The following CEP57 variants were observed in gnomAD, a reference collection of about 807,000 sequenced individuals.
The protein encoded by CEP57 is centrosomal protein of 57 kDa.
In CEP57, 40 loss-of-function variants were observed where a neutral mutation model predicts 68.0. The observed-to-expected ratio is 0.59, with a 90% CI of 0.46 to 0.77. The LOEUF is 0.77. Ranked by LOEUF, CEP57 falls within the 30% of genes least tolerant of loss-of-function variation. The probability of loss-of-function intolerance (pLI) is 0.00; values close to 1 mark genes in which losing one functional copy is unlikely to be tolerated. For missense variants in CEP57, 606 were observed against 580.7 expected (o/e 1.04, Z -0.45); for synonymous variants, 219 against 198.7 (o/e 1.10, Z -0.86).
intron 4 of CEP57, among the ~76,000 whole-genome samples, chr11:95,816,767 C>T (rs773753241): frequency 6.6e-6 from 1 of 152,066 alleles, no homozygotes; most frequent in Non-Finnish European, 1.5e-5. Context: ...TGAAATTATC[C>T]TAGTATAATG....
At chr11:95,791,411 G>GT (rs1478182979) in intron 1 of CEP57, among the ~76,000 whole-genome samples, 1 of 152,118 alleles carries the variant, frequency 6.6e-6, no homozygotes, top group Non-Finnish European at 1.5e-5. Flanking sequence ...GTATTCACTG[G>GT]TATTTCTCAA....
At chr11:95,821,717 G>T (rs968968321) in intron 6 of CEP57, among the ~76,000 whole-genome samples, 154 bp from the exon 7 acceptor site, 1 of 152,144 alleles carries the variant, frequency 6.6e-6, no homozygotes, top group African/African-American at 2.4e-5. Flanking sequence ...GACAAACGTT[G>T]ATAGATTGGT....
intron 2 of CEP57, among the ~76,000 whole-genome samples, chr11:95,803,186 G>A (rs1174901799): frequency 1.8e-4 from 28 of 152,144 alleles, no homozygotes; most frequent in Admixed American, 1.8e-3. Flanking sequence ...TTCTAGTGAA[G>A]ATGATTAGGG....
At position 95,817,697 on chromosome 11, in the gene CEP57, G is replaced by A. The variant is rs1186138654; in HGVS notation, c.505-90G>A. Reference sequence around the variant, plus strand: ...TTTTCCTAGAAGTAGTTATGTGAAGGGCCAAATAACAGCATAGAAAAACAC... The same window carrying A: ...TTTTCCTAGAAGTAGTTATGTGAAGAGCCAAATAACAGCATAGAAAAACAC... On this transcript the variant is annotated intron_variant, in intron 4 of 10. Coordinates refer to ENST00000325542, the MANE Select transcript of CEP57 (RefSeq NM_014679.5). The A allele has an allele frequency of 1.6e-5, 14 of 855,040 alleles. No homozygotes were observed. The East Asian group carries it at 3.2e-4, about 19-fold the overall frequency. 53.0% of individuals were successfully genotyped at this position (855,040 alleles called of 1,614,324 possible).
At chr11:95,825,074 C>G (rs1213650569) in intron 8 of CEP57, among the ~76,000 whole-genome samples, 1 of 152,118 alleles carries the variant, frequency 6.6e-6, no homozygotes, top group Non-Finnish European at 1.5e-5. Context: ...TCTACTTGTC[C>G]CTAAACACAG....
intron 8 of CEP57, 101 bp downstream of exon 8, chr11:95,822,677 G>GCCTTTACCAGTGTGTGGATCA: frequency 3.4e-6 from 3 of 887,474 alleles, no homozygotes; most frequent in Non-Finnish European, 3.7e-6. Flanking sequence ...ACATTTTTCT[G>GCCTTTACCAGTGTGTGGATCA]TGCCTTTACC....
chr11:95,825,308 GAT>G (rs1274889234), intron 8 of CEP57, among the ~76,000 whole-genome samples: 1 of 152,152 alleles, frequency 6.6e-6, no homozygotes, highest in African/African-American at 2.4e-5. Context: ...CTCTCCAGGT[GAT>G]ATGCATGATT....
chr11:95,823,804 C>T (rs1350961107), intron 8 of CEP57, among the ~76,000 whole-genome samples: 2 of 152,138 alleles, frequency 1.3e-5, no homozygotes, highest in East Asian at 1.9e-4. Flanking sequence ...CAGTTCATCT[C>T]TCCAGTCAAT....
intron 2 of CEP57, among the ~76,000 whole-genome samples, chr11:95,801,673 CAA>C (rs1306871764): frequency 6.6e-6 from 1 of 151,392 alleles, no homozygotes; most frequent in African/African-American, 2.4e-5. Flanking sequence ...AAAAAAATGA[CAA>C]ATTACTAGCA....
chr11:95,801,359 A>G (rs1180148253), intron 2 of CEP57, among the ~76,000 whole-genome samples: 2 of 151,876 alleles, frequency 1.3e-5, no homozygotes, highest in African/African-American at 2.4e-5. Context: ...GGTTAAAGCA[A>G]CTGATAAGGT....
intron 2 of CEP57, among the ~76,000 whole-genome samples, chr11:95,810,687 G>GAAATAAAAGA (rs1752525102): frequency 6.6e-6 from 1 of 152,102 alleles, no homozygotes; most frequent in Non-Finnish European, 1.5e-5. Context: ...ACTGCTCAAT[G>GAAATAAAAGA]AAATAAAAGA....
intron 2 of CEP57, among the ~76,000 whole-genome samples, chr11:95,812,478 C>CAATGCA (rs1309564049): frequency 6.6e-6 from 1 of 151,938 alleles, no homozygotes; most frequent in Non-Finnish European, 1.5e-5. Flanking sequence ...GGCTGGAGTG[C>CAATGCA]AATGGTGCGA....
At chr11:95,828,685 A>C (rs755155872) in intron 9 of CEP57, among the ~76,000 whole-genome samples, 10 of 152,202 alleles carry the variant, frequency 6.6e-5, no homozygotes, top group Non-Finnish European at 1.3e-4. Flanking sequence ...TAAGAATATA[A>C]AGAATTAACC....
At chr11:95,830,080 T>C (rs1458762865) in intron 10 of CEP57, among the ~76,000 whole-genome samples, 1 of 152,192 alleles carries the variant, frequency 6.6e-6, no homozygotes, top group African/African-American at 2.4e-5. Context: ...TGACTGTTGA[T>C]TGGTAGCCAT....
chr11:95,816,424 A>G (rs1862300302), intron 4 of CEP57, among the ~76,000 whole-genome samples: 1 of 152,158 alleles, frequency 6.6e-6, no homozygotes, highest in Admixed American at 6.5e-5. Flanking sequence ...ATCATATATT[A>G]TTATTATGTC....
At chr11:95,791,803 G>A (rs1861092431) in intron 1 of CEP57, among the ~76,000 whole-genome samples, 1 of 152,144 alleles carries the variant, frequency 6.6e-6, no homozygotes. Flanking sequence ...CGGGAATTTT[G>A]GAGTATGTGC....
chr11:95,796,651 A>G (rs1168739963), intron 1 of CEP57, among the ~76,000 whole-genome samples: 1 of 152,202 alleles, frequency 6.6e-6, no homozygotes, highest in African/African-American at 2.4e-5. Context: ...AAAATTCTAC[A>G]CCAACTGGGT....
At chr11:95,812,448 CAG>C (rs1484202996) in intron 2 of CEP57, among the ~76,000 whole-genome samples, 1 of 151,764 alleles carries the variant, frequency 6.6e-6, no homozygotes, top group Non-Finnish European at 1.5e-5. Context: ...TTTTGTGAGA[CAG>C]AATCTCACTG....
intron 5 of CEP57, chr11:95,818,108 T>C (rs947675055): frequency 9.3e-6 from 5 of 535,014 alleles, no homozygotes; most frequent in African/African-American, 3.8e-5. Flanking sequence ...TGAAAATGTT[T>C]GTTAAAAAAT....
Sources: allele counts gnomAD v4.1 joint callset (sites outside exome capture counted in the v4.1 genomes callset), GRCh38; gene constraint gnomAD v4.1.1; transcripts MANE v1.5; gene names NCBI Gene and HGNC (gene_info 2026-07-23, HGNC 2026-07-21).